ROCK2: variants seen among roughly 807,000 people sequenced by gnomAD.
ROCK2 encodes rho-associated protein kinase 2.
Under a neutral mutation model 195.1 loss-of-function variants are expected in ROCK2, and 61 were observed. The observed-to-expected ratio is 0.31, with a 90% CI of 0.25 to 0.39. ROCK2 has a LOEUF of 0.39. Among genes scored for constraint, ROCK2 ranks in the 10% least tolerant of loss-of-function variants. The probability of loss-of-function intolerance (pLI) is 1.00; values close to 1 mark genes in which losing one functional copy is unlikely to be tolerated. For synonymous variants in ROCK2, 504 were observed against 545.5 expected, an observed-to-expected ratio of 0.92 and a Z score of 1.06; for missense variants, 1,109 against 1,637.4, an observed-to-expected ratio of 0.68 and a Z score of 5.57.
At chr2:11,311,460 G>A (rs994979828) in intron 1 of ROCK2, among the ~76,000 whole-genome samples, 2 of 152,068 alleles carry the variant, frequency 1.3e-5, no homozygotes, top group African/African-American at 4.8e-5. Flanking sequence ...TTACGAAGAA[G>A]AAAAAGTCCA....
chr2:11,185,259 TCAC>T lies in ROCK2; in HGVS notation c.4164-1822_4164-1820del, dbSNP rs201473938. Among the ~76,000 whole-genome samples the T allele has an allele frequency of 5.3e-3, 800 of 152,294 alleles. 4 individuals carry two copies. The highest frequency in any genetic ancestry group is 8.2e-3 in the Admixed American group (126 of 15,300). ...AGTAGGACCCTGCCTGCTCAATGTG[TCAC>T]CAAGAGCTTTGTCCTGCATATGAAA... On this transcript the variant is annotated intron_variant, in intron 32 of 32. Transcript: ENST00000315872.
At chr2:11,202,262 C>A in intron 20 of ROCK2, 141 bp from the exon 21 acceptor site, 1 of 721,052 alleles carries the variant, frequency 1.4e-6, no homozygotes, top group South Asian at 1.5e-5. Context: ...TTTCATAATA[C>A]TGAGCACCAT....
intron 6 of ROCK2, among the ~76,000 whole-genome samples, chr2:11,225,274 C>T (rs994935705): frequency 6.6e-6 from 1 of 152,146 alleles, no homozygotes; most frequent in Non-Finnish European, 1.5e-5. Flanking sequence ...ACAAGTGTTA[C>T]AGGCTCTGCC....
chr2:11,329,466 CAA>C (rs11347828), intron 1 of ROCK2, among the ~76,000 whole-genome samples: 2,046 of 138,512 alleles, frequency 0.015, 37 homozygotes, highest in African/African-American at 0.051. Context: ...ATCCCATCTC[CAA>C]AAAAAAAAAA....
intron 18 of ROCK2, among the ~76,000 whole-genome samples, chr2:11,210,435 T>A (rs149592674): frequency 1.3e-5 from 2 of 151,902 alleles, no homozygotes; most frequent in African/African-American, 4.8e-5. Context: ...TGTTCCTGCA[T>A]CATTGCAGGA....
At chr2:11,219,093 G>T in intron 9 of ROCK2, 67 bp from the exon 10 acceptor site, 1 of 801,858 alleles carries the variant, frequency 1.2e-6, no homozygotes, top group Non-Finnish European at 2.0e-6. Flanking sequence ...TTTTATTCAA[G>T]TTATTCTCAG....
chr2:11,254,438 A>G (rs1384366666), intron 3 of ROCK2, among the ~76,000 whole-genome samples: 10 of 152,160 alleles, frequency 6.6e-5, no homozygotes, highest in African/African-American at 2.4e-4. Context: ...AAGCAAGGAG[A>G]GGGAGATCCC....
intron 1 of ROCK2, among the ~76,000 whole-genome samples, chr2:11,313,638 CT>C (rs1223544751): frequency 1.3e-4 from 20 of 151,798 alleles, no homozygotes; most frequent in African/African-American, 4.8e-4. Context: ...TTTTTTCTCT[CT>C]CTTTTAACTT....
At chr2:11,311,086 A>G (rs1003598989) in intron 1 of ROCK2, among the ~76,000 whole-genome samples, 2 of 151,918 alleles carry the variant, frequency 1.3e-5, no homozygotes, top group African/African-American at 4.8e-5. Flanking sequence ...TAATTATAAT[A>G]TATCAAGCCC....
chr2:11,295,192 T>C (rs1384648187), intron 1 of ROCK2, among the ~76,000 whole-genome samples: 1 of 151,920 alleles, frequency 6.6e-6, no homozygotes, highest in Non-Finnish European at 1.5e-5. Context: ...TACCTGAAAC[T>C]CCCTATAAAA....
intron 1 of ROCK2, among the ~76,000 whole-genome samples, chr2:11,290,925 C>A (rs1050685710): frequency 6.6e-6 from 1 of 151,948 alleles, no homozygotes; most frequent in African/African-American, 2.4e-5. Context: ...TTGGTCTATG[C>A]CCCCGGCTAG....
At chr2:11,339,719 T>TA (rs975711345) in intron 1 of ROCK2, among the ~76,000 whole-genome samples, 5 of 151,938 alleles carry the variant, frequency 3.3e-5, no homozygotes, top group Non-Finnish European at 7.4e-5. Context: ...TTTATAAAGT[T>TA]AAAAAAACAA....
chr2:11,296,780 C>G (rs1558370839), intron 1 of ROCK2, among the ~76,000 whole-genome samples: 1 of 152,108 alleles, frequency 6.6e-6, no homozygotes, highest in African/African-American at 2.4e-5. Flanking sequence ...TTTTTGACAT[C>G]TATGCAATAC....
chr2:11,206,033 C>T (rs1664039368), intron 20 of ROCK2, among the ~76,000 whole-genome samples: 1 of 151,640 alleles, frequency 6.6e-6, no homozygotes. Context: ...TTCTTGAACC[C>T]AGGAAGGGAA....
chr2:11,330,759 A>AAG (rs1668700833), intron 1 of ROCK2, among the ~76,000 whole-genome samples: 1 of 71,616 alleles, frequency 1.4e-5, no homozygotes, highest in Non-Finnish European at 2.7e-5. Flanking sequence ...GAGGAGGAGG[A>AAG]GGGAGGAGGA....
intron 3 of ROCK2, among the ~76,000 whole-genome samples, chr2:11,260,512 C>T (rs907155581): frequency 1.7e-4 from 26 of 150,678 alleles, no homozygotes; most frequent in African/African-American, 6.3e-4. Context: ...ATTTACACCA[C>T]TCTTCAAATC....
intron 4 of ROCK2, among the ~76,000 whole-genome samples, chr2:11,236,960 G>A (rs1293451392): frequency 6.6e-6 from 1 of 152,116 alleles, no homozygotes; most frequent in Non-Finnish European, 1.5e-5. Context: ...AGACCAGCCT[G>A]GCCAACATGG....
chr2:11,251,734 G>A (rs1251996351), intron 3 of ROCK2, among the ~76,000 whole-genome samples: 6 of 151,832 alleles, frequency 4.0e-5, no homozygotes, highest in African/African-American at 1.5e-4. Flanking sequence ...GCAACCTACA[G>A]AATGGGAGAA....
Position 11,310,918 on chromosome 2 carries a change from G to T in ROCK2, c.142-23182C>A, listed in dbSNP as rs939916709. Among the ~76,000 whole-genome samples, 6 of 151,698 alleles carry T rather than the reference G, an allele frequency of 4.0e-5. No homozygotes were observed. The South Asian group carries it at 1.3e-3, about 32-fold the overall frequency. On this transcript the variant is annotated intron_variant, in intron 1 of 32. Coordinates refer to ENST00000315872, the MANE Select transcript of ROCK2 (RefSeq NM_004850.5). ...AGCAAGGAAGATTTCACCTCTGTGA[G>T]AAAAATGTATCTATGACTCAAGTTT...
Sources: allele counts gnomAD v4.1 joint callset (sites outside exome capture counted in the v4.1 genomes callset), GRCh38; gene constraint gnomAD v4.1.1; transcripts MANE v1.5; gene names NCBI Gene and HGNC (gene_info 2026-07-23, HGNC 2026-07-21).